RBSN: variants seen among roughly 807,000 people sequenced by gnomAD.
RBSN encodes rabenosyn-5.
RBSN carries 34 observed loss-of-function variants against 60.5 expected under a neutral mutation model. The observed-to-expected ratio is 0.56, with a 90% CI of 0.43 to 0.75. The LOEUF is 0.75. Among genes scored for constraint, RBSN ranks in the 30% least tolerant of loss-of-function variants. The pLI is 0.00. For synonymous variants in RBSN, 322 were observed against 366.9 expected (o/e 0.88, Z 1.40); for missense variants, 845 against 986.8 (o/e 0.86, Z 1.92).
chr3:15,091,419 C>G, intron 4 of RBSN: 12 of 1,260,116 alleles, frequency 9.5e-6, no homozygotes, highest in Non-Finnish European at 1.2e-5. Flanking sequence ...GTTCTTGCTT[C>G]CCCACTACTG....
chr3:15,095,304 G>A lies in RBSN; in HGVS notation c.148+669C>T, dbSNP rs561614920. ...CTCCCAAAGTGCTGCGAATAGAGGC[G>A]TGAGCCACTGTGCCCGCCCAGAGGA... On this transcript the variant is annotated intron_variant, in intron 4 of 13. Transcript: ENST00000253699. Among the ~76,000 whole-genome samples, 73 of 150,258 alleles carry A rather than the reference G, an allele frequency of 4.9e-4. 2 individuals carry two copies. The highest frequency in any genetic ancestry group is 4.7e-3 in the Admixed American group (71 of 15,136).
At position 15,071,307 on chromosome 3, in the gene RBSN, G is replaced by T. The variant is rs1332980261; in HGVS notation, c.*2475C>A. Reference sequence around the variant, plus strand: ...AGAAAAATAATTATGATGGAAAGCAGCAATTAGCTTCTGGAACTACCTGCT... The same window carrying T: ...AGAAAAATAATTATGATGGAAAGCATCAATTAGCTTCTGGAACTACCTGCT... On this transcript the variant is annotated 3_prime_UTR_variant, in exon 14 of 14. Coordinates refer to ENST00000253699, the MANE Select transcript of RBSN (RefSeq NM_022340.4). 1.5e-4 allele frequency: 23 copies of T among 152,212 alleles called. No homozygotes were observed. The allele number at this position is 152,212 out of a possible 1,614,324, so 9.4% of individuals were successfully genotyped here.
At chr3:15,075,136 T>G in intron 13 of RBSN, 1 of 626,442 alleles carries the variant, frequency 1.6e-6, no homozygotes, top group East Asian at 2.8e-5. Flanking sequence ...AAAAATAAAA[T>G]ATAATGAATA....
At chr3:15,095,832 C>A in intron 4 of RBSN, 141 bp downstream of exon 4, 2 of 1,098,614 alleles carry the variant, frequency 1.8e-6, no homozygotes, top group East Asian at 4.9e-5. Flanking sequence ...TCTGAAAACG[C>A]CTGGCACATG....
rs1027900907 is a variant in RBSN, at chr3:15,071,439, GAAGAA to G, written c.*2338_*2342del. On this transcript the variant is annotated 3_prime_UTR_variant, in exon 14 of 14. Coordinates refer to ENST00000253699, the MANE Select transcript of RBSN (RefSeq NM_022340.4). ...ACAGAGAAATGTCATGGGCCTCAGG[GAAGAA>G]AAGAGGCCTGTACCAGGCAACATCT... 5.3e-5 allele frequency: 8 copies of G among 152,222 alleles called. No individual in the cohort carries two copies. Among genetic ancestry groups the G allele is most frequent in the Non-Finnish European group, 1.5e-5 (1 of 68,040 alleles). 9.4% of individuals were successfully genotyped at this position (152,222 alleles called of 1,614,324 possible).
Position 15,070,562 on chromosome 3 carries a change from A to G in RBSN, c.*3220T>C, listed in dbSNP as rs895099070. 6.6e-6 allele frequency: 1 copy of G among 152,628 alleles called. No individual in the cohort carries two copies. Among genetic ancestry groups the G allele is most frequent in the Non-Finnish European group, 1.5e-5 (1 of 68,036 alleles). The allele number at this position is 152,628 out of a possible 1,614,324, so 9.5% of individuals were successfully genotyped here. A position where few individuals can be genotyped will look rare whatever the true frequency, so the allele number is the denominator to read the frequency against. ...GAAAGGGTGAATATTCACATGAGGT[A>G]AGAACTTGAAGTTGTGGTTATAATA... On this transcript the variant is annotated 3_prime_UTR_variant, in exon 14 of 14. Coordinates refer to ENST00000253699, the MANE Select transcript of RBSN (RefSeq NM_022340.4).
In RBSN at chr3:15,071,681, G is replaced by C. The variant is rs1416359153; in HGVS notation, c.*2101C>G. 1 of 152,264 alleles carries C rather than the reference G, an allele frequency of 6.6e-6. No individual in the cohort carries two copies. Among genetic ancestry groups the C allele is most frequent in the Non-Finnish European group, 1.5e-5 (1 of 68,050 alleles). The allele number at this position is 152,264 out of a possible 1,614,324, so 9.4% of individuals were successfully genotyped here. On this transcript the variant is annotated 3_prime_UTR_variant, in exon 14 of 14. Transcript: ENST00000253699. ...AGGATAAGAAATGTGCTACAGAAATGTGAACATCAACACAAATACAGATTA... is the reference window on the plus strand; with the variant it reads ...AGGATAAGAAATGTGCTACAGAAATCTGAACATCAACACAAATACAGATTA...
At chr3:15,096,891 G>C (rs928320505) in intron 2 of RBSN, among the ~76,000 whole-genome samples, 181 bp from the exon 3 acceptor site, 10 of 152,108 alleles carry the variant, frequency 6.6e-5, no homozygotes, top group African/African-American at 2.2e-4. Context: ...TCCTTTTTAA[G>C]AGACAGCATC....
At position 15,090,476 on chromosome 3, in the gene RBSN, G is replaced by C; in HGVS notation, c.212C>G (p.Ala71Gly). ...RLLKREGDDR[A>G]ESGTQGYESF... ...CTCATATCCTTGGGTCCCTGACTCT[G>C]CTCGATCATCCCCTTCTCGTTTCAA... The change falls in exon 5 of 14, where the codon GCA becomes GGA. Residue 71 changes from alanine (A) to glycine (G), a missense_variant. Physicochemically the swap from Ala to Gly is moderately conservative, Grantham distance 60. Transcript: ENST00000253699. The C allele has an allele frequency of 6.2e-7, 1 of 1,614,182 alleles. No individual in the cohort carries two copies. Among genetic ancestry groups the C allele is most frequent in the South Asian group, 1.1e-5 (1 of 91,088 alleles).
At position 15,090,615 on chromosome 3, in the gene RBSN, C is replaced by G. The variant is rs542132458; in HGVS notation, c.149-76G>C. The G allele has an allele frequency of 6.5e-6, 10 of 1,541,114 alleles. No individual in the cohort carries two copies. The African/African-American group carries it at 9.7e-5, about 15-fold the overall frequency. The stretch of plus-strand genomic sequence containing the variant: ...AACAGTCAAAAGAAATCTCAAAAAA[C>G]AAGAGTTGACGAAATAATTATCGTT... On this transcript the variant is annotated intron_variant, in intron 4 of 13. Transcript: ENST00000253699.
intron 2 of RBSN, among the ~76,000 whole-genome samples, chr3:15,097,463 C>T (rs889853290): frequency 2.6e-5 from 4 of 152,002 alleles, no homozygotes; most frequent in South Asian, 4.2e-4. Context: ...TGCAGTGAGC[C>T]GAGATCATGC....
chr3:15,078,801 T>A (rs868771714), intron 10 of RBSN, among the ~76,000 whole-genome samples: 2 of 103,056 alleles, frequency 1.9e-5, no homozygotes, highest in African/African-American at 9.1e-5. Context: ...TATATATATA[T>A]ATATATATAT....
intron 5 of RBSN, 37 bp from the exon 6 acceptor site, chr3:15,085,998 A>T (rs2043329389): frequency 6.7e-7 from 1 of 1,491,802 alleles, no homozygotes; most frequent in South Asian, 1.1e-5. Flanking sequence ...AATGACTTAT[A>T]GTTTCTCTGA....
intron 2 of RBSN, among the ~76,000 whole-genome samples, chr3:15,097,275 G>A (rs538077366): frequency 7.9e-5 from 12 of 152,336 alleles, no homozygotes; most frequent in East Asian, 5.8e-4. Context: ...AGCACTTTGG[G>A]AGGCCAAGGC....
At position 15,084,745 on chromosome 3, in the gene RBSN, A is replaced by C. The variant is rs758707742; in HGVS notation, c.588T>G (p.Leu196=). ...MCKKCMELIS[L]PLANKLTSAS... ...CTCCAAGTCACCTACTTGCCAAGGG[A>C]AGGCTGATGAGCTCCATACACTTCT... Residue 196 remains leucine (L), a synonymous_variant, in exon 8 of 14, where the codon CTT becomes CTG. Coordinates refer to ENST00000253699, the MANE Select transcript of RBSN (RefSeq NM_022340.4). This position sits in a 1 kb window ranked among gnomAD's most constrained non-coding sequence, Gnocchi z 4.2. 1 of 1,595,676 alleles carries C rather than the reference A, an allele frequency of 6.3e-7. No individual in the cohort carries two copies. Among genetic ancestry groups the C allele is most frequent in the Admixed American group, 1.8e-5 (1 of 56,196 alleles).
Position 15,074,843 on chromosome 3 carries a change from T to G in RBSN, c.1294A>C (p.Arg432=). ...AANGEVASLR[R]GPAPLRKAEG... ...GCCTTTCTCAAGGGGGCAGGGCCCC[T>G]GCGGAGAGATGCCACCTCCCCGTTG... is the stretch of plus-strand genomic sequence containing the variant. Residue 432 remains arginine, a synonymous_variant, in exon 14 of 14, where the codon AGG becomes CGG. Transcript: ENST00000253699. The surrounding 1 kb of genome is among the most constrained non-coding windows in gnomAD (Gnocchi z 6.4). 1.2e-6 allele frequency: 2 copies of G among 1,614,168 alleles called. No individual in the cohort carries two copies. Among genetic ancestry groups the G allele is most frequent in the East Asian group, 4.5e-5 (2 of 44,884 alleles).
chr3:15,083,520 A>C (rs2043259793), intron 8 of RBSN, among the ~76,000 whole-genome samples: 1 of 152,066 alleles, frequency 6.6e-6, no homozygotes. Context: ...TGTCCTCCAC[A>C]CACCCCCAAC....
At chr3:15,095,063 G>A (rs868655050) in intron 4 of RBSN, among the ~76,000 whole-genome samples, 3 of 151,724 alleles carry the variant, frequency 2.0e-5, no homozygotes, top group African/African-American at 7.3e-5. Context: ...GCCCAGGTGC[G>A]AGTGCAGTGG....
Position 15,085,967 on chromosome 3 carries a change from G to A in RBSN, c.290-6C>T, listed in dbSNP as rs201280481. On this transcript the variant is annotated splice_region_variant and splice_polypyrimidine_tract_variant and intron_variant, in intron 5 of 13. Transcript: ENST00000253699. ...AAGATGGCTTCTCACAGCACCTAGA[G>A]GGAAGGAAGGTAGGGAGACAAATGA... 3.1e-6 allele frequency: 5 copies of A among 1,612,266 alleles called. No individual in the cohort carries two copies. In the East Asian group the frequency reaches 1.1e-4, roughly 36 times the overall value.
Sources: gnomAD v4.1 joint callset for allele counts (sites outside exome capture counted in the v4.1 genomes callset) on GRCh38, gnomAD v4.1.1 for gene constraint, Gnocchi (gnomAD v3.1) non-coding constraint, MANE v1.5 for transcripts, NCBI Gene and HGNC (gene_info 2026-07-23, HGNC 2026-07-21) for gene names.